CLASP1: variants seen among roughly 807,000 people sequenced by gnomAD.
CLASP1 encodes cytoplasmic linker associated protein 1, also known as CLIP-associating protein 1.
CLASP1 carries 38 observed loss-of-function variants against 192.3 expected under a neutral mutation model. The ratio of observed to expected loss-of-function variants is 0.20; its 90% CI spans 0.15 to 0.26. The LOEUF (loss-of-function observed/expected upper bound fraction) is 0.26. Among genes scored for constraint, CLASP1 ranks in the 10% least tolerant of loss-of-function variants. CLASP1 has a pLI of 1.00. For missense variants in CLASP1, 1,433 were observed against 1,932.5 expected, an observed-to-expected ratio of 0.74 and a Z score of 4.85; for synonymous variants, 691 against 712.8, an observed-to-expected ratio of 0.97 and a Z score of 0.49.
intron 2 of CLASP1, among the ~76,000 whole-genome samples, chr2:121,580,630 T>G (rs1474606251): frequency 6.6e-6 from 1 of 152,220 alleles, no homozygotes; most frequent in African/African-American, 2.4e-5. Flanking sequence ...TGCTGCAGAG[T>G]GCACCATCGC....
intron 22 of CLASP1, among the ~76,000 whole-genome samples, chr2:121,424,156 C>T (rs1335779999): frequency 2.0e-5 from 3 of 152,158 alleles, no homozygotes; most frequent in Non-Finnish European, 4.4e-5. Flanking sequence ...GTCTAAGATA[C>T]TCCTTTTTTA....
intron 39 of CLASP1, among the ~76,000 whole-genome samples, chr2:121,344,604 T>G (rs2063214070): frequency 6.6e-6 from 1 of 152,118 alleles, no homozygotes; most frequent in Non-Finnish European, 1.5e-5. Context: ...GTGCTGGGAT[T>G]ACAGGTATGA....
At chr2:121,587,375 G>A (rs2061842589) in intron 2 of CLASP1, among the ~76,000 whole-genome samples, 1 of 152,154 alleles carries the variant, frequency 6.6e-6, no homozygotes, top group South Asian at 2.1e-4. Context: ...TGGAAATTGG[G>A]CCTGGAGCTT....
intron 2 of CLASP1, among the ~76,000 whole-genome samples, chr2:121,533,099 GT>G (rs896723490): frequency 4.7e-4 from 71 of 152,218 alleles, no homozygotes; most frequent in African/African-American, 1.6e-3. Context: ...AGTTTACTTG[GT>G]AGGTCTGAGC....
Position 121,515,367 on chromosome 2 carries a change from T to C in CLASP1, c.644+298A>G, listed in dbSNP as rs1191825615. On this transcript the variant is annotated intron_variant, in intron 7 of 39. Transcript: ENST00000263710. ...ACAGATATAGATACAGAATCATAGA[T>C]ACAGAACCATAAAACTGTAAGAGTG... Among the ~76,000 whole-genome samples, 4 of 152,208 alleles carry C rather than the reference T, an allele frequency of 2.6e-5. No homozygotes were observed. The East Asian group carries it at 7.7e-4, about 29-fold the overall frequency.
At chr2:121,630,109 A>G (rs1210664671) in intron 1 of CLASP1, among the ~76,000 whole-genome samples, 2 of 151,876 alleles carry the variant, frequency 1.3e-5, no homozygotes, top group Non-Finnish European at 2.9e-5. Flanking sequence ...TAGTAGAGAC[A>G]GGATTTCACC....
intron 34 of CLASP1, among the ~76,000 whole-genome samples, chr2:121,374,018 C>T (rs2069374886): frequency 6.6e-6 from 1 of 152,246 alleles, no homozygotes; most frequent in South Asian, 2.1e-4. Context: ...ATAGCCAAGA[C>T]AATGGAGTAA....
At chr2:121,507,461 C>T (rs1453713255) in intron 7 of CLASP1, among the ~76,000 whole-genome samples, 1 of 152,048 alleles carries the variant, frequency 6.6e-6, no homozygotes, top group Non-Finnish European at 1.5e-5. Flanking sequence ...AACCAATGTA[C>T]CAACATAGTC....
chr2:121,584,812 T>A (rs1401666291), intron 2 of CLASP1, among the ~76,000 whole-genome samples: 1 of 152,126 alleles, frequency 6.6e-6, no homozygotes, highest in Non-Finnish European at 1.5e-5. Context: ...AAACTGTTTA[T>A]CCCTCTGTGG....
chr2:121,575,137 A>C (rs1328997870), intron 2 of CLASP1, among the ~76,000 whole-genome samples: 1 of 151,940 alleles, frequency 6.6e-6, no homozygotes, highest in Non-Finnish European at 1.5e-5. Context: ...CTTTGAGACA[A>C]GTCTCCCTCT....
chr2:121,470,049 A>G (rs1008009143), intron 8 of CLASP1, 89 bp from the exon 9 acceptor site: 7 of 1,086,338 alleles, frequency 6.4e-6, no homozygotes, highest in Non-Finnish European at 9.2e-6. Flanking sequence ...TTATAAAACA[A>G]TTAGTCTTCG....
intron 1 of CLASP1, among the ~76,000 whole-genome samples, chr2:121,609,110 T>C: frequency 6.6e-6 from 1 of 152,222 alleles, no homozygotes. Flanking sequence ...CTTAGCCTAA[T>C]TCTGTTTTGA....
At chr2:121,532,303 G>T (rs1026999548) in intron 2 of CLASP1, 1 of 152,086 alleles carries the variant, frequency 6.6e-6, no homozygotes, top group Non-Finnish European at 1.5e-5. Context: ...TATAATAATG[G>T]TATAAACACT....
At chr2:121,622,301 TG>T (rs948480443) in intron 1 of CLASP1, among the ~76,000 whole-genome samples, 12 of 152,126 alleles carry the variant, frequency 7.9e-5, no homozygotes, top group African/African-American at 2.9e-4. Flanking sequence ...CCAGGCACAG[TG>T]GCTCACGCCT....
chr2:121,459,656 C>G (rs895047327), intron 12 of CLASP1: 1 of 207,090 alleles, frequency 4.8e-6, no homozygotes, highest in African/African-American at 2.3e-5. Flanking sequence ...GATAAACACG[C>G]TATTGCCTGC....
intron 2 of CLASP1, among the ~76,000 whole-genome samples, chr2:121,575,013 C>T (rs970666943): frequency 3.9e-5 from 6 of 152,074 alleles, no homozygotes; most frequent in East Asian, 1.9e-4. Flanking sequence ...TGTGAGGTAA[C>T]GCATATACTA....
chr2:121,622,018 T>G (rs1001140079), intron 1 of CLASP1, among the ~76,000 whole-genome samples: 7 of 151,910 alleles, frequency 4.6e-5, no homozygotes, highest in African/African-American at 1.2e-4. Flanking sequence ...CAGCTAATTT[T>G]TGTATTTTTA....
intron 11 of CLASP1, among the ~76,000 whole-genome samples, chr2:121,460,873 G>C (rs1000743941): frequency 6.6e-6 from 1 of 152,072 alleles, no homozygotes; most frequent in African/African-American, 2.4e-5. Context: ...TCCACAGTCA[G>C]GTCTTTGTTA....
intron 1 of CLASP1, among the ~76,000 whole-genome samples, chr2:121,648,637 G>A (rs1443745769): frequency 6.6e-6 from 1 of 152,218 alleles, no homozygotes; most frequent in Non-Finnish European, 1.5e-5. Context: ...ATTGTACCTA[G>A]CCAGGCTAAC....
Sources: allele counts gnomAD v4.1 joint callset (sites outside exome capture counted in the v4.1 genomes callset), GRCh38; gene constraint gnomAD v4.1.1; transcripts MANE v1.5; gene names NCBI Gene and HGNC (gene_info 2026-07-23, HGNC 2026-07-21).